RPSA2: variants seen among roughly 807,000 people sequenced by gnomAD.
The protein encoded by RPSA2 is ribosomal protein SA 2.
At chr19:23,795,916 A>G in the RPSA2 span, among the ~76,000 whole-genome samples, 1 of 152,112 alleles carries the variant, frequency 6.6e-6, no homozygotes, top group Non-Finnish European at 1.5e-5. Context: ...TTGGGATTAC[A>G]GGCACCCCTG....
At chr19:23,810,464 T>G in the RPSA2 span, among the ~76,000 whole-genome samples, 1 of 148,266 alleles carries the variant, frequency 6.7e-6, no homozygotes, top group African/African-American at 2.5e-5. Context: ...TTCATTTAAT[T>G]TTTGGACAGA....
the RPSA2 span, chr19:23,823,691 C>T: frequency 6.6e-6 from 1 of 152,244 alleles, no homozygotes; most frequent in South Asian, 2.1e-4. Flanking sequence ...GATCAGGCTC[C>T]CCTTCCATCC....
At chr19:23,794,879 T>C in the RPSA2 span, among the ~76,000 whole-genome samples, 3 of 151,520 alleles carry the variant, frequency 2.0e-5, no homozygotes, top group African/African-American at 7.2e-5. Context: ...TGTAATAAAG[T>C]TTCAGTCTTC....
At chr19:23,853,723 T>C in the RPSA2 span, among the ~76,000 whole-genome samples, 4 of 152,156 alleles carry the variant, frequency 2.6e-5, no homozygotes, top group Non-Finnish European at 4.4e-5. Flanking sequence ...CAGTCCCCCA[T>C]TGTGCCAGCA....
At chr19:23,869,416 T>A in the RPSA2 span, among the ~76,000 whole-genome samples, 2 of 109,530 alleles carry the variant, frequency 1.8e-5, no homozygotes, top group South Asian at 7.1e-4. Flanking sequence ...CCGGCCCAAT[T>A]GCCCCAACTG....
chr19:23,865,865 T>G, the RPSA2 span, among the ~76,000 whole-genome samples: 4 of 152,184 alleles, frequency 2.6e-5, no homozygotes, highest in Non-Finnish European at 5.9e-5. Flanking sequence ...TGGTTAATAA[T>G]GGAGTGCAAA....
chr19:23,851,978 T>A, the RPSA2 span, among the ~76,000 whole-genome samples: 1 of 152,198 alleles, frequency 6.6e-6, no homozygotes, highest in South Asian at 2.1e-4. Flanking sequence ...TGAACTATTC[T>A]ACACCGAGCT....
the RPSA2 span, chr19:23,832,589 C>A: frequency 8.4e-7 from 1 of 1,184,654 alleles, no homozygotes; most frequent in Non-Finnish European, 1.1e-6. Context: ...TAGCCAGTCC[C>A]CATACCTTAC....
chr19:23,761,927 T>TCCTTCCTTCCTTCCTTCCTTCCTTCC, the RPSA2 span, among the ~76,000 whole-genome samples: 1,321 of 62,344 alleles, frequency 0.021, 109 homozygotes, highest in Middle Eastern at 0.043. Flanking sequence ...TTTCTTTTTT[T>TCCTTCCTTCCTTCCTTCCTTCCTTCC]TTTTTTTTGA....
chr19:23,851,604 AT>A, the RPSA2 span, among the ~76,000 whole-genome samples: 1 of 152,192 alleles, frequency 6.6e-6, no homozygotes, highest in Non-Finnish European at 1.5e-5. Flanking sequence ...CAGAGACAAT[AT>A]TTAAAGGTTT....
the RPSA2 span, among the ~76,000 whole-genome samples, chr19:23,773,307 A>G: frequency 6.7e-6 from 1 of 148,646 alleles, no homozygotes; most frequent in African/African-American, 2.5e-5. Context: ...TTTTTTTAAG[A>G]CAGAGTCTCA....
chr19:23,857,060 T>A, the RPSA2 span, among the ~76,000 whole-genome samples: 1 of 152,154 alleles, frequency 6.6e-6, no homozygotes, highest in Non-Finnish European at 1.5e-5. Flanking sequence ...AGTCCTTATC[T>A]CAATCGCATA....
chr19:23,832,325 A>T, the RPSA2 span: 5 of 474,250 alleles, frequency 1.1e-5, no homozygotes, highest in Admixed American at 1.2e-4. Flanking sequence ...GAAAGTGGCA[A>T]AGCATTTATC....
At chr19:23,795,433 GC>G in the RPSA2 span, among the ~76,000 whole-genome samples, 1 of 151,934 alleles carries the variant, frequency 6.6e-6, no homozygotes. Context: ...TCTTTTTGCA[GC>G]AATTGTTAAT....
chr19:23,857,607 C>G, the RPSA2 span, among the ~76,000 whole-genome samples: 1 of 149,310 alleles, frequency 6.7e-6, no homozygotes, highest in Admixed American at 6.8e-5. Context: ...TCTCCTGCCT[C>G]AGCCTCCCAA....
chr19:23,810,809 G>C, the RPSA2 span, among the ~76,000 whole-genome samples: 1 of 152,120 alleles, frequency 6.6e-6, no homozygotes, highest in Non-Finnish European at 1.5e-5. Flanking sequence ...AAGAGTTTGG[G>C]ATGGTTACAG....
the RPSA2 span, among the ~76,000 whole-genome samples, chr19:23,817,243 A>T: frequency 6.6e-6 from 1 of 152,104 alleles, no homozygotes; most frequent in East Asian, 1.9e-4. Context: ...TTAGCCAGGC[A>T]TGGTGGTGCA....
the RPSA2 span, among the ~76,000 whole-genome samples, chr19:23,861,961 G>A: frequency 6.6e-6 from 1 of 152,092 alleles, no homozygotes; most frequent in Non-Finnish European, 1.5e-5. Context: ...TCTGGCAGGG[G>A]TAAGAAGCAC....
chr19:23,846,819 A>C, the RPSA2 span, among the ~76,000 whole-genome samples: 148,977 of 152,308 alleles, frequency 0.98, 72,952 homozygotes, highest in Middle Eastern at 1. Context: ...TTTAGATACT[A>C]TGATTATTAT....
Sources: gnomAD v4.1 joint callset for allele counts (sites outside exome capture counted in the v4.1 genomes callset) on GRCh38, gnomAD v4.1.1 for gene constraint, MANE v1.5 for transcripts, NCBI Gene and HGNC (gene_info 2026-07-23, HGNC 2026-07-21) for gene names.